UNC80: variants seen among roughly 807,000 people sequenced by gnomAD.
The protein encoded by UNC80 is unc-80 subunit of NALCN channel complex, also known as protein unc-80 homolog.
A neutral mutation model predicts 384.6 loss-of-function variants in UNC80; 164 were observed. The observed-to-expected ratio is 0.43, with a 90% confidence interval of 0.38 to 0.49. The LOEUF (loss-of-function observed/expected upper bound fraction) is 0.49, where lower values mean the gene tolerates loss of function less well. Among genes scored for constraint, UNC80 ranks in the 20% least tolerant of loss-of-function variants. UNC80 has a pLI of 0.00. For synonymous variants in UNC80, 1,486 were observed against 1,527.8 expected (o/e 0.97, Z 0.64); for missense variants, 3,330 against 4,143.0 (o/e 0.80, Z 5.39).
chr2:209,922,057 A>G (rs147942326), intron 34 of UNC80, among the ~76,000 whole-genome samples, 195 bp from the exon 35 acceptor site: 111 of 152,266 alleles, frequency 7.3e-4, no homozygotes, highest in Middle Eastern at 3.4e-3. Context: ...TGCTTTTGTA[A>G]AAACTTCGGG....
intron 22 of UNC80, among the ~76,000 whole-genome samples, chr2:209,866,572 C>T (rs562192621): frequency 7.0e-6 from 1 of 142,434 alleles, no homozygotes; most frequent in African/African-American, 2.5e-5. Context: ...AGAGAATCAT[C>T]TGACCCAAAT....
chr2:209,917,075 A>G (rs2089605431), intron 31 of UNC80, among the ~76,000 whole-genome samples: 1 of 152,218 alleles, frequency 6.6e-6, no homozygotes, highest in Admixed American at 6.5e-5. Flanking sequence ...ACAACTGCCT[A>G]AGCACATTGT....
intron 60 of UNC80, among the ~76,000 whole-genome samples, chr2:209,983,718 A>G (rs916653035): frequency 1.3e-5 from 2 of 152,210 alleles, no homozygotes. Flanking sequence ...TACCTAAAAT[A>G]ACCAGGCCAT....
At chr2:209,864,790 G>GT (rs2083593472) in intron 22 of UNC80, among the ~76,000 whole-genome samples, 1 of 152,216 alleles carries the variant, frequency 6.6e-6, no homozygotes, top group African/African-American at 2.4e-5. Flanking sequence ...TAGCATGTTA[G>GT]GTCATTGCGA....
chr2:209,912,623 G>T lies in UNC80; in HGVS notation c.4846G>T (p.Glu1616Ter), dbSNP rs1475433563. The change falls in exon 30 of 65, where the codon GAA becomes TAA. Residue 1616 changes from glutamate to a stop codon, truncating the protein, a stop_gained. Transcript: ENST00000673920. LOFTEE classifies it high-confidence loss of function. Reference protein sequence around the residue: ...LKKRVSDANLEGKKDSGMLKY... With the variant: ...LKKRVSDANL Reference sequence around the variant, plus strand: ...GAAGAGAGTTTCAGATGCCAATCTGGAAGGAAAAAAAGATTCCGGAATGCT... The same window carrying T: ...GAAGAGAGTTTCAGATGCCAATCTGTAAGGAAAAAAAGATTCCGGAATGCT... The T allele has an allele frequency of 1.3e-6, 2 of 1,551,410 alleles. No homozygotes were observed. Among genetic ancestry groups the T allele is most frequent in the Non-Finnish European group, 1.7e-6 (2 of 1,146,840 alleles).
chr2:209,829,511 G>A, intron 15 of UNC80, 132 bp downstream of exon 15: 1 of 933,382 alleles, frequency 1.1e-6, no homozygotes, highest in South Asian at 1.6e-5. Flanking sequence ...CATGTGTGTG[G>A]GTGTGTGTAT....
At chr2:209,894,870 A>G (rs1447891903) in intron 27 of UNC80, among the ~76,000 whole-genome samples, 6 of 152,224 alleles carry the variant, frequency 3.9e-5, no homozygotes, top group Non-Finnish European at 8.8e-5. Flanking sequence ...ACCAGTATGA[A>G]CAACCAAAAT....
chr2:209,936,794 A>G, intron 40 of UNC80, 50 bp from the exon 41 acceptor site: 5 of 1,329,950 alleles, frequency 3.8e-6, no homozygotes, highest in African/African-American at 1.5e-5. Flanking sequence ...TACCTAGCAC[A>G]TAATATCTTC....
At chr2:209,780,668 A>G (rs2077107878) in intron 4 of UNC80, among the ~76,000 whole-genome samples, 2 of 151,924 alleles carry the variant, frequency 1.3e-5, no homozygotes, top group South Asian at 4.2e-4. Context: ...ACCACAGATG[A>G]CTCCAGATGT....
chr2:209,891,728 G>A (rs1402278403), intron 26 of UNC80, among the ~76,000 whole-genome samples: 5 of 152,094 alleles, frequency 3.3e-5, no homozygotes, highest in African/African-American at 1.2e-4. Context: ...TAAGTTAAAT[G>A]AGAATATATC....
At chr2:209,781,821 A>G (rs1349477828) in intron 4 of UNC80, among the ~76,000 whole-genome samples, 1 of 152,166 alleles carries the variant, frequency 6.6e-6, no homozygotes, top group Admixed American at 6.5e-5. Context: ...AAATTGTCAA[A>G]TGACTTTTCC....
chr2:209,904,926 C>T lies in UNC80; in HGVS notation c.4743C>T (p.Asn1581=). The change falls in exon 29 of 65, where the codon AAC becomes AAT. Residue 1581 remains asparagine, a synonymous_variant. Transcript: ENST00000673920. ...DSVDSLRESS[N]ISSVALRGKK... ...TGGACTCCCTGAGGGAAAGCAGCAA[C>T]ATCAGCAGTGTGGCTCTCCGGGGCA... 6.4e-7 allele frequency: 1 copy of T among 1,551,690 alleles called. No individual in the cohort carries two copies. Among genetic ancestry groups the T allele is most frequent in the Non-Finnish European group, 8.7e-7 (1 of 1,146,994 alleles).
intron 15 of UNC80, among the ~76,000 whole-genome samples, chr2:209,831,004 C>A (rs1237100518): frequency 6.6e-6 from 1 of 152,150 alleles, no homozygotes; most frequent in Admixed American, 6.5e-5. Context: ...CCACTTTAGA[C>A]AGACTGAACA....
chr2:209,863,887 C>T (rs141283435), intron 22 of UNC80, among the ~76,000 whole-genome samples: 40 of 151,898 alleles, frequency 2.6e-4, no homozygotes, highest in East Asian at 2.0e-3. Flanking sequence ...GATGGAGAGA[C>T]GCTGCGATCA....
intron 22 of UNC80, among the ~76,000 whole-genome samples, chr2:209,851,166 A>G (rs1216540575): frequency 3.9e-5 from 6 of 152,124 alleles, no homozygotes; most frequent in Admixed American, 3.9e-4. Context: ...AGAAATACCT[A>G]TTAAAATAGC....
chr2:209,834,836 G>T, intron 17 of UNC80, 76 bp from the exon 18 acceptor site: 1 of 1,234,914 alleles, frequency 8.1e-7, no homozygotes, highest in East Asian at 2.7e-5. Flanking sequence ...AGAGTGTTTT[G>T]TTTTATGAAG....
intron 56 of UNC80, among the ~76,000 whole-genome samples, chr2:209,974,266 C>A (rs2092954195): frequency 6.6e-6 from 1 of 151,900 alleles, no homozygotes; most frequent in Non-Finnish European, 1.5e-5. Flanking sequence ...AGGGGATTGA[C>A]AATGAAAATG....
At chr2:209,928,408 G>T (rs2090599785) in intron 36 of UNC80, among the ~76,000 whole-genome samples, 1 of 152,046 alleles carries the variant, frequency 6.6e-6, no homozygotes, top group Admixed American at 6.5e-5. Flanking sequence ...ACTCCAAACT[G>T]TTAATAGTTG....
chr2:209,912,255 C>T (rs1167200803), intron 29 of UNC80, among the ~76,000 whole-genome samples: 1 of 152,154 alleles, frequency 6.6e-6, no homozygotes, highest in Non-Finnish European at 1.5e-5. Flanking sequence ...CTTGTCCTTT[C>T]CTTTTTCTGC....
Sources: gnomAD v4.1 joint callset for allele counts (sites outside exome capture counted in the v4.1 genomes callset) on GRCh38, gnomAD v4.1.1 for gene constraint, MANE v1.5 for transcripts, NCBI Gene and HGNC (gene_info 2026-07-23, HGNC 2026-07-21) for gene names.